Variants in PLA1A observed in about 807,000 individuals in gnomAD.
The protein encoded by PLA1A is phosphatidylserine-specific phospholipase A1alpha.
PLA1A carries 47 observed loss-of-function variants against 49.4 expected under a neutral mutation model. The ratio of observed to expected loss-of-function variants is 0.95; its 90% CI spans 0.75 to 1.21. The LOEUF (loss-of-function observed/expected upper bound fraction) is 1.21, where lower values mean the gene tolerates loss of function less well. PLA1A is among the 50% of genes most tolerant of loss of function. PLA1A has a pLI of 0.00. For missense variants in PLA1A, 561 were observed against 563.9 expected, an observed-to-expected ratio of 0.99 and a Z score of 0.05; for synonymous variants, 224 against 207.9, an observed-to-expected ratio of 1.08 and a Z score of -0.67.
chr3:119,626,862 A>T (rs191045711), intron 9 of PLA1A, among the ~76,000 whole-genome samples: 1 of 152,276 alleles, frequency 6.6e-6, no homozygotes, highest in East Asian at 1.9e-4. Flanking sequence ...TTGTGGCTGG[A>T]TATCAGTAAG....
rs1463872888 is a variant in PLA1A, at chr3:119,618,150, T to A, written c.886T>A (p.Cys296Ser). ...KAFLAGRCLD[C>S]FNPFLLSCPR... ...CTTCCTTGCTGGACGCTGTCTGGATTGCTTTAACCCTTTTCTGCTTTCCTG... is the reference window on the plus strand; with the variant it reads ...CTTCCTTGCTGGACGCTGTCTGGATAGCTTTAACCCTTTTCTGCTTTCCTG... Residue 296 changes from cysteine (C) to serine (S), a missense_variant, in exon 7 of 11, where the codon TGC (cysteine) becomes AGC (serine). Physicochemically the swap from Cys to Ser is moderately radical, Grantham distance 112. Transcript: ENST00000273371. 6.2e-7 allele frequency: 1 copy of A among 1,613,968 alleles called. No homozygotes were observed. The highest frequency in any genetic ancestry group is 8.5e-7 in the Non-Finnish European group (1 of 1,179,954).
At chr3:119,607,625 A>G (rs1003852951) in intron 2 of PLA1A, among the ~76,000 whole-genome samples, 3 of 152,174 alleles carry the variant, frequency 2.0e-5, no homozygotes, top group Non-Finnish European at 4.4e-5. Context: ...ACAAAGGACC[A>G]CCATTTCCTG....
At chr3:119,624,109 A>G (rs1023614303) in intron 8 of PLA1A, among the ~76,000 whole-genome samples, 1 of 152,200 alleles carries the variant, frequency 6.6e-6, no homozygotes, top group African/African-American at 2.4e-5. Flanking sequence ...TACAAAGCTC[A>G]GAAATTTATT....
chr3:119,619,682 T>A lies in PLA1A; in HGVS notation c.1012+30T>A, dbSNP rs763529969. 108 of 1,453,548 alleles carry A rather than the reference T, an allele frequency of 7.4e-5. No individual in the cohort carries two copies. In the South Asian group the frequency reaches 1.0e-3, roughly 14 times the overall value. The allele number at this position is 1,453,548 out of a possible 1,614,324, so 90.0% of individuals were successfully genotyped here. A position where few individuals can be genotyped will look rare whatever the true frequency, so the allele number is the denominator to read the frequency against. On this transcript the variant is annotated intron_variant, in intron 8 of 10. Transcript: ENST00000273371. ...GTAGGGGGAAATGCATGAGCTCAGC[T>A]CTGCCAGGGCACCACCAGAGGAGTC...
chr3:119,604,308 C>T (rs1577136672), intron 1 of PLA1A, among the ~76,000 whole-genome samples: 1 of 152,042 alleles, frequency 6.6e-6, no homozygotes, highest in African/African-American at 2.4e-5. Context: ...TGCACTCTCA[C>T]GTTTATTTCA....
intron 5 of PLA1A, among the ~76,000 whole-genome samples, chr3:119,614,035 G>T (rs747996624): frequency 5.3e-5 from 8 of 152,196 alleles, no homozygotes; most frequent in Non-Finnish European, 1.2e-4. Flanking sequence ...CTGCTCCACG[G>T]CAAATGCCTG....
chr3:119,615,483 G>T (rs579809), intron 5 of PLA1A, among the ~76,000 whole-genome samples: 22,234 of 152,186 alleles, frequency 0.15, 3,822 homozygotes, highest in African/African-American at 0.41. Context: ...ACAGGATATT[G>T]TTCTTGATTT....
chr3:119,616,383 T>C (rs2082848544), intron 6 of PLA1A, among the ~76,000 whole-genome samples: 1 of 152,190 alleles, frequency 6.6e-6, no homozygotes, highest in African/African-American at 2.4e-5. Flanking sequence ...AGCAGAAGGA[T>C]CAATTCACTG....
In PLA1A at chr3:119,629,539, T is replaced by A. The variant is rs1043808234; in HGVS notation, c.*71T>A. 37 of 819,602 alleles carry A rather than the reference T, an allele frequency of 4.5e-5. No homozygotes were observed. The highest frequency in any genetic ancestry group is 7.5e-5 in the Non-Finnish European group (35 of 467,082). The allele number at this position is 819,602 out of a possible 1,614,324, so 50.8% of individuals were successfully genotyped here. On this transcript the variant is annotated 3_prime_UTR_variant, in exon 11 of 11. Transcript: ENST00000273371. ...TGAGAGAGAGGTGTGATGAGGGATGTGTGTGTGCAGCTTATTGTAGACCAT... is the reference window on the plus strand; with the variant it reads ...TGAGAGAGAGGTGTGATGAGGGATGAGTGTGTGCAGCTTATTGTAGACCAT...
Position 119,619,596 on chromosome 3 carries a change from C to A in PLA1A, c.956C>A (p.Pro319Gln). 2 of 1,613,760 alleles carry A rather than the reference C, an allele frequency of 1.2e-6. No homozygotes were observed. The highest frequency in any genetic ancestry group is 8.5e-7 in the Non-Finnish European group (1 of 1,179,682). ...GAACAAGGTGGTGTCAAGATAGAGCCGCTCCCCAAGGAAGTGAAAGTCTAC... is the reference window on the plus strand; with the variant it reads ...GAACAAGGTGGTGTCAAGATAGAGCAGCTCCCCAAGGAAGTGAAAGTCTAC... ...LVEQGGVKIE[P>Q]LPKEVKVYLL... Residue 319 changes from proline (P) to glutamine (Q), a missense_variant, in exon 8 of 11, where the codon CCG becomes CAG. Pro to Gln is a moderately conservative substitution (Grantham distance 76, BLOSUM62 -1). Coordinates refer to ENST00000273371, the MANE Select transcript of PLA1A (RefSeq NM_015900.4).
chr3:119,600,405 G>A (rs980030121), intron 1 of PLA1A: 1 of 702,872 alleles, frequency 1.4e-6, no homozygotes, highest in Non-Finnish European at 2.6e-6. Flanking sequence ...TCCATCTGGG[G>A]TAGGTGGTCT....
At chr3:119,616,280 A>G (rs1284934559) in intron 6 of PLA1A, among the ~76,000 whole-genome samples, 179 bp downstream of exon 6, 1 of 152,192 alleles carries the variant, frequency 6.6e-6, no homozygotes, top group Non-Finnish European at 1.5e-5. Context: ...GAGCCCAGGC[A>G]TTTGAGGGGA....
chr3:119,601,020 A>G lies in PLA1A; in HGVS notation c.73+3034A>G, dbSNP rs562029696. Among the ~76,000 whole-genome samples, 213 of 152,326 alleles carry G rather than the reference A, an allele frequency of 1.4e-3. 1 individual carries two copies. Among genetic ancestry groups the G allele is most frequent in the African/African-American group, 4.7e-3 (196 of 41,574 alleles). ...CCTCCCCTCCTGCAGTGTCTTCCCGAGGAGCCTGGAGGAGGGTGCCTGCTT... is the reference window on the plus strand; with the variant it reads ...CCTCCCCTCCTGCAGTGTCTTCCCGGGGAGCCTGGAGGAGGGTGCCTGCTT... On this transcript the variant is annotated intron_variant, in intron 1 of 10. Coordinates refer to ENST00000273371, the MANE Select transcript of PLA1A (RefSeq NM_015900.4).
At chr3:119,616,812 T>C (rs2082854453) in intron 6 of PLA1A, among the ~76,000 whole-genome samples, 1 of 152,270 alleles carries the variant, frequency 6.6e-6, no homozygotes, top group South Asian at 2.1e-4. Context: ...TTCTCAGCAA[T>C]TCTGATAAAA....
At chr3:119,615,052 T>C (rs1034010156) in intron 5 of PLA1A, among the ~76,000 whole-genome samples, 1 of 152,214 alleles carries the variant, frequency 6.6e-6, no homozygotes, top group African/African-American at 2.4e-5. Context: ...ATGTGGGGTA[T>C]GAGGGAAAGG....
chr3:119,618,251 C>A, intron 7 of PLA1A, 65 bp downstream of exon 7: 1 of 1,336,318 alleles, frequency 7.5e-7, no homozygotes, highest in Non-Finnish European at 1.0e-6. Flanking sequence ...CTAGTTGTCC[C>A]CTCTTAATGT....
chr3:119,598,035 A>G (rs369501392), intron 1 of PLA1A, 49 bp downstream of exon 1: 46 of 1,193,312 alleles, frequency 3.9e-5, no homozygotes, highest in Admixed American at 2.2e-4. Context: ...GTCAGTGATC[A>G]TATTTCTCCA....
intron 2 of PLA1A, among the ~76,000 whole-genome samples, chr3:119,607,875 C>T (rs2082709818): frequency 2.0e-5 from 3 of 152,208 alleles, no homozygotes; most frequent in South Asian, 2.1e-4. Flanking sequence ...CTGGCACACA[C>T]CCAGTCCGCG....
chr3:119,615,738 G>A (rs13089507), intron 5 of PLA1A, among the ~76,000 whole-genome samples: 42,487 of 151,786 alleles, frequency 0.28, 6,429 homozygotes, highest in East Asian at 0.42. Flanking sequence ...TTGAATCCGG[G>A]AGGCGGAGGT....
Sources: allele counts gnomAD v4.1 joint callset (sites outside exome capture counted in the v4.1 genomes callset), GRCh38; gene constraint gnomAD v4.1.1; transcripts MANE v1.5; gene names NCBI Gene and HGNC (gene_info 2026-07-23, HGNC 2026-07-21).